Variants in BAG3 observed in about 807,000 individuals in gnomAD.
BAG3 encodes BAG cochaperone 3, also known as BAG family molecular chaperone regulator 3.
A neutral mutation model predicts 40.5 loss-of-function variants in BAG3; 14 were observed. The ratio of observed to expected loss-of-function variants is 0.35; its 90% CI spans 0.23 to 0.54. The LOEUF is 0.54. Among genes scored for constraint, BAG3 ranks in the 20% least tolerant of loss-of-function variants. BAG3 has a pLI of 0.91. For synonymous variants in BAG3, 302 were observed against 307.8 expected (o/e 0.98, Z 0.20); for missense variants, 788 against 758.6 (o/e 1.04, Z -0.46).
At chr10:119,660,028 G>C (rs1021369511) in intron 1 of BAG3, among the ~76,000 whole-genome samples, 1 of 152,150 alleles carries the variant, frequency 6.6e-6, no homozygotes, top group Non-Finnish European at 1.5e-5. Flanking sequence ...CATGGAACCC[G>C]TGAGGCAGGC....
At chr10:119,669,351 A>G (rs1847108883) in intron 1 of BAG3, among the ~76,000 whole-genome samples, 1 of 152,060 alleles carries the variant, frequency 6.6e-6, no homozygotes, top group African/African-American at 2.4e-5. Flanking sequence ...TCCCCAGCCC[A>G]CTTCTCTGTA....
At chr10:119,665,143 T>TTTTTTCC in intron 1 of BAG3, among the ~76,000 whole-genome samples, 1 of 113,750 alleles carries the variant, frequency 8.8e-6, no homozygotes, top group African/African-American at 3.4e-5. Context: ...TATATATATA[T>TTTTTTCC]ATTTTTTTTT....
chr10:119,665,118 G>GTGTGTT (rs1847043552), intron 1 of BAG3, among the ~76,000 whole-genome samples: 1 of 79,272 alleles, frequency 1.3e-5, no homozygotes. Flanking sequence ...GTGTGTGTGT[G>GTGTGTT]TGTGTGTGTA....
At chr10:119,669,507 G>A (rs1237545283) in intron 1 of BAG3, among the ~76,000 whole-genome samples, 8 of 152,178 alleles carry the variant, frequency 5.3e-5, no homozygotes, top group Admixed American at 3.3e-4. Context: ...CTTCTGATCC[G>A]GGTCTCTGAA....
In BAG3 at chr10:119,651,854, A is replaced by G. The variant is rs1212877946; in HGVS notation, c.179A>G (p.Lys60Arg). The G allele has an allele frequency of 3.2e-6, 5 of 1,562,168 alleles. No homozygotes were observed. The African/African-American group carries it at 5.6e-5, about 18-fold the overall frequency. ...NDPRVPSEGPKETPSSANGPS... is the reference protein window; with the variant it reads ...NDPRVPSEGPRETPSSANGPS... ...CCGCGCGTGCCCTCTGAGGGCCCCA[A>G]GGTGAGCCGGGCCCGCGGCCCGCCC... Residue 60 changes from lysine to arginine, a missense_variant and splice_region_variant, in exon 1 of 4, where the codon AAG becomes AGG. Transcript: ENST00000369085.
Position 119,676,514 on chromosome 10 carries a change from AC to A in BAG3, c.962del (p.Pro321GlnfsTer21). On this transcript the variant is annotated frameshift_variant, in exon 4 of 4. Coordinates refer to ENST00000369085, the MANE Select transcript of BAG3 (RefSeq NM_004281.4). LOFTEE classifies it high-confidence loss of function. ...CACCTGTTTCCCAGCCTGAAAACAA[AC>A]CAGAAAGTAAGCCAGGCCCAGTTGG... ...TAPVSQPENK[P>X]ESKPGPVGPE... 1 of 1,613,918 alleles carries A rather than the reference AC, an allele frequency of 6.2e-7. No individual in the cohort carries two copies. The highest frequency in any genetic ancestry group is 8.5e-7 in the Non-Finnish European group (1 of 1,179,986).
In BAG3 at chr10:119,672,719, C is replaced by T; in HGVS notation, c.909+63C>T. On this transcript the variant is annotated intron_variant, in intron 3 of 3. Coordinates refer to ENST00000369085, the MANE Select transcript of BAG3 (RefSeq NM_004281.4). This position sits in a 1 kb window ranked among gnomAD's most constrained non-coding sequence, Gnocchi z 4.8. ...GTATGTCTCCAGGGGTGCAGGAGCT[C>T]TGTGGGTGCCCTGGGTTCCCCCTTC... 3 of 1,600,920 alleles carry T rather than the reference C, an allele frequency of 1.9e-6. No individual in the cohort carries two copies. Among genetic ancestry groups the T allele is most frequent in the Non-Finnish European group, 2.5e-6 (3 of 1,178,752 alleles).
At chr10:119,653,286 CCATTTTTGGGTGAAACTGACACT>C (rs2134051723) in intron 1 of BAG3, among the ~76,000 whole-genome samples, 1 of 152,266 alleles carries the variant, frequency 6.6e-6, no homozygotes, top group South Asian at 2.1e-4. Context: ...TCTGTTCCAC[CCATTTTTGGGTGAAACTGACACT>C]CATTTCAAAC....
chr10:119,663,849 C>G (rs1847024227), intron 1 of BAG3, among the ~76,000 whole-genome samples: 1 of 152,134 alleles, frequency 6.6e-6, no homozygotes, highest in Non-Finnish European at 1.5e-5. Context: ...GACCTTTAGG[C>G]TTCCTCACAC....
rs756582490 is a variant in BAG3, at chr10:119,677,333, T to G, written c.*51T>G. The stretch of plus-strand genomic sequence containing the variant: ...GGAACCGATGTGTGCTTTAGGGAAT[T>G]TTAAGTTGCATGCATTTCAGAGACT... On this transcript the variant is annotated 3_prime_UTR_variant, in exon 4 of 4. Transcript: ENST00000369085. The G allele has an allele frequency of 6.2e-7, 1 of 1,608,590 alleles. No homozygotes were observed. The highest frequency in any genetic ancestry group is 1.1e-5 in the South Asian group (1 of 90,842).
intron 3 of BAG3, among the ~76,000 whole-genome samples, chr10:119,676,149 T>G (rs1453417624): frequency 6.6e-6 from 1 of 151,408 alleles, no homozygotes; most frequent in Non-Finnish European, 1.5e-5. Flanking sequence ...GTTAGCTATT[T>G]TCATTTTTGA....
In BAG3 at chr10:119,669,454, T is replaced by C. The variant is rs548749448; in HGVS notation, c.181-397T>C. 4.6e-5 allele frequency among the ~76,000 whole-genome samples: 7 copies of C among 152,308 alleles called. No individual in the cohort carries two copies. In the South Asian group the frequency reaches 1.2e-3, roughly 27 times the overall value. On this transcript the variant is annotated intron_variant, in intron 1 of 3. Transcript: ENST00000369085. Reference sequence around the variant, plus strand: ...CCTTTTTGGAAACAGAGACGCTTGCTGTAATGTAGAGGTTGGAGCTGACCC... The same window carrying C: ...CCTTTTTGGAAACAGAGACGCTTGCCGTAATGTAGAGGTTGGAGCTGACCC...
intron 3 of BAG3, 34 bp from the exon 4 acceptor site, chr10:119,676,430 T>A: frequency 1.2e-6 from 2 of 1,605,438 alleles, no homozygotes; most frequent in Non-Finnish European, 1.7e-6. Context: ...TTTCAGTCAG[T>A]TATTAAAAAT....
Position 119,672,162 on chromosome 10 carries a change from C to T in BAG3, c.508-93C>T, listed in dbSNP as rs1023800067. 6 of 1,509,958 alleles carry T rather than the reference C, an allele frequency of 4.0e-6. No individual in the cohort carries two copies. Among genetic ancestry groups the T allele is most frequent in the Non-Finnish European group, 5.5e-6 (6 of 1,097,724 alleles). The allele number at this position is 1,509,958 out of a possible 1,614,324, so 93.5% of individuals were successfully genotyped here. A position where few individuals can be genotyped will look rare whatever the true frequency, so the allele number is the denominator to read the frequency against. On this transcript the variant is annotated intron_variant, in intron 2 of 3. Coordinates refer to ENST00000369085, the MANE Select transcript of BAG3 (RefSeq NM_004281.4). This position sits in a 1 kb window ranked among gnomAD's most constrained non-coding sequence, Gnocchi z 4.8. ...ATAGGAGGTCTTACAATATGGATTG[C>T]CCTGAGGAGGTGCACAGCAGAAGGC...
intron 1 of BAG3, among the ~76,000 whole-genome samples, chr10:119,664,367 G>T (rs532814562): frequency 6.6e-6 from 1 of 152,202 alleles, no homozygotes; most frequent in South Asian, 2.1e-4. Context: ...GCACAAACAA[G>T]GGGGCAGAAT....
chr10:119,651,575 TCGGCGGCGGAGAGGGGCCCA>T lies in BAG3; in HGVS notation c.-91_-72del. The T allele has an allele frequency of 8.6e-7, 1 of 1,165,702 alleles. No homozygotes were observed. The highest frequency in any genetic ancestry group is 1.1e-6 in the Non-Finnish European group (1 of 895,872). The allele number at this position is 1,165,702 out of a possible 1,614,324, so 72.2% of individuals were successfully genotyped here. The stretch of plus-strand genomic sequence containing the variant: ...GCCCGGCGCCGGCTTCCCGGACACG[TCGGCGGCGGAGAGGGGCCCA>T]CGGCGGCGGCCCGGCCAGAGACTCG... On this transcript the variant is annotated 5_prime_UTR_variant, in exon 1 of 4. Coordinates refer to ENST00000369085, the MANE Select transcript of BAG3 (RefSeq NM_004281.4).
intron 1 of BAG3, among the ~76,000 whole-genome samples, chr10:119,665,130 A>ATG: frequency 1.8e-5 from 1 of 54,396 alleles, no homozygotes; most frequent in Non-Finnish European, 3.7e-5. Flanking sequence ...GTGTGTGTAT[A>ATG]TATATATATA....
chr10:119,675,840 C>CCCTTGCCCCCTTCCCTCCT (rs1554877633), intron 3 of BAG3, among the ~76,000 whole-genome samples: 1 of 46,834 alleles, frequency 2.1e-5, no homozygotes, highest in Non-Finnish European at 4.1e-5. Flanking sequence ...TCCCCCTTCC[C>CCCTTGCCCCCTTCCCTCCT]TCCTTCCTTC....
chr10:119,661,267 A>T (rs962518448), intron 1 of BAG3, among the ~76,000 whole-genome samples: 5 of 151,196 alleles, frequency 3.3e-5, no homozygotes, highest in African/African-American at 1.2e-4. Context: ...CTCCAAAAAA[A>T]AGAAAGAAAG....
Sources: gnomAD v4.1 joint callset for allele counts (sites outside exome capture counted in the v4.1 genomes callset) on GRCh38, gnomAD v4.1.1 for gene constraint, Gnocchi (gnomAD v3.1) non-coding constraint, MANE v1.5 for transcripts, NCBI Gene and HGNC (gene_info 2026-07-23, HGNC 2026-07-21) for gene names.